The following TENM4 variants were observed in gnomAD, a reference collection of about 807,000 sequenced individuals.
TENM4 encodes teneurin transmembrane protein 4.
A neutral mutation model predicts 243.3 loss-of-function variants in TENM4; 82 were observed. The observed-to-expected ratio is 0.34, with a 90% CI of 0.28 to 0.40. The LOEUF is 0.40. TENM4 is among the 10% of genes least tolerant of loss of function. The probability of loss-of-function intolerance (pLI) is 1.00; values close to 1 mark genes in which losing one functional copy is unlikely to be tolerated. For synonymous variants in TENM4, 1,412 were observed against 1,456.3 expected (o/e 0.97, Z 0.69); for missense variants, 3,138 against 3,673.3 (o/e 0.85, Z 3.77).
chr11:78,927,651 A>G (rs1036997905), intron 6 of TENM4, among the ~76,000 whole-genome samples: 1 of 152,152 alleles, frequency 6.6e-6, no homozygotes, highest in African/African-American at 2.4e-5. Context: ...ACACACATGA[A>G]TGACACTCAT....
chr11:78,990,646 A>G (rs1403385327), intron 6 of TENM4, among the ~76,000 whole-genome samples: 1 of 152,220 alleles, frequency 6.6e-6, no homozygotes, highest in Non-Finnish European at 1.5e-5. Context: ...ACAAACACAC[A>G]GATAGGAGTC....
chr11:79,267,502 AAGGTTTAG>A (rs1855902159), intron 2 of TENM4, among the ~76,000 whole-genome samples: 1 of 152,202 alleles, frequency 6.6e-6, no homozygotes, highest in African/African-American at 2.4e-5. Context: ...AGTAGGGACT[AAGGTTTAG>A]AGTCAGACAC....
At chr11:79,184,873 A>G (rs555045151) in intron 3 of TENM4, among the ~76,000 whole-genome samples, 1 of 152,356 alleles carries the variant, frequency 6.6e-6, no homozygotes, top group African/African-American at 2.4e-5. Context: ...ATTTTATGTT[A>G]GATGTATTTC....
At chr11:79,056,154 G>A (rs569961873) in intron 6 of TENM4, among the ~76,000 whole-genome samples, 3 of 152,234 alleles carry the variant, frequency 2.0e-5, no homozygotes, top group Admixed American at 6.5e-5. Flanking sequence ...AACATCTTTC[G>A]GTAGGAAGTT....
intron 6 of TENM4, among the ~76,000 whole-genome samples, chr11:79,053,668 G>A (rs1453936024): frequency 6.6e-6 from 1 of 152,164 alleles, no homozygotes; most frequent in Non-Finnish European, 1.5e-5. Context: ...CACCATCAGA[G>A]GAAGCCAGGC....
At chr11:79,330,310 C>T (rs531016752) in intron 1 of TENM4, among the ~76,000 whole-genome samples, 38 of 152,264 alleles carry the variant, frequency 2.5e-4, no homozygotes, top group Middle Eastern at 3.4e-3. Context: ...TTGATGGGGA[C>T]TCCTAGGACT....
At chr11:78,827,280 T>A in intron 12 of TENM4, among the ~76,000 whole-genome samples, 1 of 151,296 alleles carries the variant, frequency 6.6e-6, no homozygotes, top group Non-Finnish European at 1.5e-5. Flanking sequence ...GAACCAGGAG[T>A]TTAAGGATCC....
rs561722389 is a variant in TENM4 at position 79,017,773 on chromosome 11, G to A, written c.493+46965C>T. On this transcript the variant is annotated intron_variant, in intron 6 of 33. Coordinates refer to ENST00000278550, the MANE Select transcript of TENM4 (RefSeq NM_001098816.3). ...TTCTGAGTCTGTGCTCTTGAAATGC[G>A]GCACAGGCTGCTTAGGGAGCAGGTC... 3.9e-5 allele frequency among the ~76,000 whole-genome samples: 6 copies of A among 152,312 alleles called. No homozygotes were observed. The South Asian group carries it at 6.2e-4, about 16-fold the overall frequency.
chr11:78,768,724 C>T (rs1856590151), intron 18 of TENM4, among the ~76,000 whole-genome samples: 1 of 152,210 alleles, frequency 6.6e-6, no homozygotes, highest in South Asian at 2.1e-4. Flanking sequence ...TTTTCCACTT[C>T]CTACTGGCTC....
At chr11:78,890,339 G>T (rs968301389) in intron 8 of TENM4, among the ~76,000 whole-genome samples, 6 of 152,178 alleles carry the variant, frequency 3.9e-5, no homozygotes, top group Non-Finnish European at 8.8e-5. Context: ...GAACGGATGG[G>T]GCTGGGATAC....
At chr11:79,242,431 G>A (rs751735904) in intron 2 of TENM4, among the ~76,000 whole-genome samples, 15 of 152,064 alleles carry the variant, frequency 9.9e-5, no homozygotes, top group Non-Finnish European at 1.6e-4. Context: ...AAAATCATCC[G>A]CAATCCTACC....
At chr11:79,109,518 C>T (rs768158202) in intron 4 of TENM4, among the ~76,000 whole-genome samples, 26 of 152,270 alleles carry the variant, frequency 1.7e-4, no homozygotes, top group Non-Finnish European at 3.1e-4. Context: ...GCTGGTTCTG[C>T]GGTTGCCATG....
chr11:78,729,608 C>G lies in TENM4; in HGVS notation c.3174G>C (p.Lys1058Asn). The change falls in exon 22 of 34, where the codon AAG becomes AAC. Residue 1058 changes from lysine (K) to asparagine (N), a missense_variant. By Grantham distance (94) the Lys-to-Asn change is moderately conservative (BLOSUM62 0). Transcript: ENST00000278550. The part of the protein sequence containing the change: ...LQEEISISGC[K>N]MRLSYLSSRT... ...GGCTGCTCAGGTAGCTCAGCCTCAT[C>G]TTGCAGCCAGAGATAGAGATTTCCT... 6.2e-7 allele frequency: 1 copy of G among 1,613,116 alleles called. No homozygotes were observed. Among genetic ancestry groups the G allele is most frequent in the South Asian group, 1.1e-5 (1 of 90,976 alleles).
intron 3 of TENM4, among the ~76,000 whole-genome samples, chr11:79,162,964 G>A (rs1591324704): frequency 6.6e-6 from 1 of 152,222 alleles, no homozygotes; most frequent in African/African-American, 2.4e-5. Context: ...ATTTCTGCAG[G>A]CCCAAGGTGC....
intron 4 of TENM4, among the ~76,000 whole-genome samples, chr11:79,072,768 G>A (rs909311577): frequency 3.9e-5 from 6 of 151,992 alleles, no homozygotes; most frequent in African/African-American, 1.4e-4. Flanking sequence ...GCCTCTGCCT[G>A]TTTACTTCTA....
intron 19 of TENM4, among the ~76,000 whole-genome samples, chr11:78,746,677 C>G (rs1856059597): frequency 6.6e-6 from 1 of 152,200 alleles, no homozygotes; most frequent in Non-Finnish European, 1.5e-5. Context: ...GAGCAAGGCC[C>G]TTGTCCCAGC....
chr11:79,323,583 G>A (rs1313043103), intron 1 of TENM4, among the ~76,000 whole-genome samples: 1 of 152,146 alleles, frequency 6.6e-6, no homozygotes, highest in African/African-American at 2.4e-5. Context: ...CCAATCGCTT[G>A]GTCAAACACT....
intron 1 of TENM4, among the ~76,000 whole-genome samples, chr11:79,343,676 G>A (rs1857279269): frequency 6.6e-6 from 1 of 151,960 alleles, no homozygotes; most frequent in African/African-American, 2.4e-5. Context: ...AAAATAGTTT[G>A]AGACCAGAAC....
chr11:78,795,426 C>A (rs1857141280), intron 15 of TENM4, among the ~76,000 whole-genome samples: 1 of 152,162 alleles, frequency 6.6e-6, no homozygotes, highest in African/African-American at 2.4e-5. Context: ...CAGGTAAGAG[C>A]CTGCTCTGCT....
Sources: gnomAD v4.1 joint callset for allele counts (sites outside exome capture counted in the v4.1 genomes callset) on GRCh38, gnomAD v4.1.1 for gene constraint, MANE v1.5 for transcripts, NCBI Gene and HGNC (gene_info 2026-07-23, HGNC 2026-07-21) for gene names.